SCLT1: variants seen among roughly 807,000 people sequenced by gnomAD.
SCLT1 encodes sodium channel and clathrin linker 1.
SCLT1 carries 78 observed loss-of-function variants against 112.8 expected under a neutral mutation model. The ratio of observed to expected loss-of-function variants is 0.69; its 90% CI spans 0.58 to 0.83. The LOEUF is 0.83. SCLT1 is among the 40% of genes least tolerant of loss of function. The pLI is 0.00. For synonymous variants in SCLT1, 257 were observed against 254.7 expected, an observed-to-expected ratio of 1.01 and a Z score of -0.09; for missense variants, 747 against 770.4, an observed-to-expected ratio of 0.97 and a Z score of 0.36.
chr4:129,040,331 G>GC (rs149385189), intron 4 of SCLT1: 9,925 of 620,408 alleles, frequency 0.016, 107 homozygotes, highest in Middle Eastern at 0.032. Flanking sequence ...TTTTAAGAAT[G>GC]CCATGGCAAG....
At chr4:128,992,666 G>A (rs1742675408) in intron 8 of SCLT1, among the ~76,000 whole-genome samples, 1 of 151,942 alleles carries the variant, frequency 6.6e-6, no homozygotes, top group Admixed American at 6.6e-5. Context: ...AATTCATTAA[G>A]TTTTAGTTAC....
intron 18 of SCLT1, among the ~76,000 whole-genome samples, chr4:128,896,264 T>C (rs1013743719): frequency 2.0e-5 from 3 of 152,074 alleles, no homozygotes; most frequent in Admixed American, 1.3e-4. Context: ...GACCCCCAAG[T>C]AGCCTAACTG....
intron 1 of SCLT1, among the ~76,000 whole-genome samples, chr4:129,086,745 A>G (rs554465387): frequency 6.6e-6 from 1 of 152,192 alleles, no homozygotes; most frequent in Non-Finnish European, 1.5e-5. Flanking sequence ...AAAAGACACC[A>G]GTAAAAACAA....
chr4:128,907,221 G>A (rs1278590197), intron 18 of SCLT1, among the ~76,000 whole-genome samples: 1 of 152,138 alleles, frequency 6.6e-6, no homozygotes, highest in African/African-American at 2.4e-5. Flanking sequence ...CAGGAAATTG[G>A]CACTGAAGTA....
chr4:128,920,737 C>G (rs1430389319), intron 18 of SCLT1, among the ~76,000 whole-genome samples: 1 of 152,172 alleles, frequency 6.6e-6, no homozygotes, highest in East Asian at 1.9e-4. Flanking sequence ...GAAGCATTCC[C>G]CCTGATAACT....
At chr4:128,879,305 T>C (rs1366531156), downstream of SCLT1, among the ~76,000 whole-genome samples, 3 of 152,152 alleles carry the variant, frequency 2.0e-5, no homozygotes, top group Non-Finnish European at 4.4e-5. Flanking sequence ...CTAGAATGTG[T>C]GAAGCATTTA....
At chr4:128,975,751 T>C (rs1741116242) in intron 9 of SCLT1, among the ~76,000 whole-genome samples, 1 of 152,330 alleles carries the variant, frequency 6.6e-6, no homozygotes, top group Admixed American at 6.5e-5. Flanking sequence ...TTAAAAACTT[T>C]AGAAAATCCT....
At chr4:128,972,921 A>G (rs1740816251) in intron 9 of SCLT1, among the ~76,000 whole-genome samples, 2 of 152,178 alleles carry the variant, frequency 1.3e-5, no homozygotes, top group South Asian at 4.1e-4. Flanking sequence ...ATATAAGTCT[A>G]CACTCCTCTA....
intron 9 of SCLT1, among the ~76,000 whole-genome samples, chr4:128,989,098 C>G (rs1278481885): frequency 6.6e-6 from 1 of 151,836 alleles, no homozygotes; most frequent in African/African-American, 2.4e-5. Context: ...AAAGAAACAT[C>G]AGATTAAATT....
At chr4:128,945,861 G>C in intron 16 of SCLT1, 146 bp downstream of exon 16, 1 of 493,838 alleles carries the variant, frequency 2.0e-6, no homozygotes, top group South Asian at 4.3e-5. Context: ...AAATAATCTT[G>C]AATAAAATTA....
Position 128,897,992 on chromosome 4 carries a change from A to C in SCLT1, c.1830-6855T>G, listed in dbSNP as rs1733929276. On this transcript the variant is annotated intron_variant, in intron 18 of 20. Transcript: ENST00000281142. ...AGCTAACTATCTTAAATATATATGC[A>C]CCCAATACAGGAGCACCCAGATTCA... Among the ~76,000 whole-genome samples the C allele has an allele frequency of 2.0e-5, 3 of 152,314 alleles. No homozygotes were observed. The South Asian group carries it at 6.2e-4, about 32-fold the overall frequency.
chr4:128,960,800 G>C (rs1468867868), intron 11 of SCLT1, among the ~76,000 whole-genome samples: 4 of 150,418 alleles, frequency 2.7e-5, no homozygotes, highest in African/African-American at 7.3e-5. Flanking sequence ...GGCGCCTGTA[G>C]TCCCAGCTAC....
rs1733162154 is a variant in SCLT1 at position 128,889,696 on chromosome 4, A to G, written c.1909-922T>C. Among the ~76,000 whole-genome samples the G allele has an allele frequency of 1.3e-5, 2 of 152,226 alleles. 1 individual carries two copies. Among genetic ancestry groups the G allele is most frequent in the South Asian group, 4.1e-4 (2 of 4,832 alleles). ...CTATCAATTAAAAAATGGAAATTAA[A>G]AAATGGATTAGCTCTCTCCACACTT... On this transcript the variant is annotated intron_variant, in intron 19 of 20. Transcript: ENST00000281142.
At chr4:128,911,577 C>T (rs986946859) in intron 18 of SCLT1, among the ~76,000 whole-genome samples, 1 of 152,060 alleles carries the variant, frequency 6.6e-6, no homozygotes, top group African/African-American at 2.4e-5. Flanking sequence ...TGAAAAATTA[C>T]CTATGAAAAA....
intron 5 of SCLT1, among the ~76,000 whole-genome samples, chr4:129,026,618 C>T (rs957521786): frequency 2.6e-5 from 4 of 152,098 alleles, no homozygotes; most frequent in Admixed American, 2.6e-4. Flanking sequence ...AAAATTGACA[C>T]CCTAACATCA....
chr4:128,988,374 C>A (rs1480744152), intron 9 of SCLT1, among the ~76,000 whole-genome samples: 2 of 151,944 alleles, frequency 1.3e-5, no homozygotes, highest in Non-Finnish European at 2.9e-5. Context: ...TTTAAATTCT[C>A]TTTGCTTATT....
rs1001345043 is a variant in SCLT1 at position 128,997,958 on chromosome 4, G to A, written c.550-19C>T. On this transcript the variant is annotated intron_variant, in intron 7 of 20. Transcript: ENST00000281142. ...GCTGATCCTACAGTGGGAAGGTAAG[G>A]GGAGTATATAAATAGCATTTTGTTG... The A allele has an allele frequency of 7.3e-7, 1 of 1,367,898 alleles. No individual in the cohort carries two copies. Among genetic ancestry groups the A allele is most frequent in the African/African-American group, 1.5e-5 (1 of 67,124 alleles). 84.7% of individuals were successfully genotyped at this position (1,367,898 alleles called of 1,614,324 possible). A position where few individuals can be genotyped will look rare whatever the true frequency, so the allele number is the denominator to read the frequency against.
chr4:128,976,512 A>G (rs1306973618), intron 9 of SCLT1, among the ~76,000 whole-genome samples: 4 of 152,146 alleles, frequency 2.6e-5, no homozygotes, highest in Admixed American at 6.6e-5. Context: ...GCAATGTTTG[A>G]GGTGCTGCAA....
chr4:128,975,411 C>G (rs75904487), intron 9 of SCLT1, among the ~76,000 whole-genome samples: 1 of 151,928 alleles, frequency 6.6e-6, no homozygotes, highest in Non-Finnish European at 1.5e-5. Context: ...GGATATAATA[C>G]TAGATTTAAA....
Sources: allele counts gnomAD v4.1 joint callset (sites outside exome capture counted in the v4.1 genomes callset), GRCh38; gene constraint gnomAD v4.1.1; transcripts MANE v1.5; gene names NCBI Gene and HGNC (gene_info 2026-07-23, HGNC 2026-07-21).